Variants in CCBE1 observed in about 807,000 individuals in gnomAD.
The protein encoded by CCBE1 is collagen and calcium-binding EGF domain-containing protein 1.
A neutral mutation model predicts 50.0 loss-of-function variants in CCBE1; 37 were observed. The ratio of observed to expected loss-of-function variants is 0.74; its 90% CI spans 0.57 to 0.97. The LOEUF (loss-of-function observed/expected upper bound fraction) is 0.97, where lower values mean the gene tolerates loss of function less well. Ranked by LOEUF, CCBE1 falls within the 50% of genes least tolerant of loss-of-function variation. The pLI, the probability that CCBE1 is intolerant of heterozygous loss-of-function variation, is 0.00. For missense variants in CCBE1, 538 were observed against 523.8 expected, an observed-to-expected ratio of 1.03 and a Z score of -0.26; for synonymous variants, 234 against 203.7, an observed-to-expected ratio of 1.15 and a Z score of -1.27.
At chr18:59,664,519 A>C (rs1403468056) in intron 2 of CCBE1, among the ~76,000 whole-genome samples, 2 of 152,192 alleles carry the variant, frequency 1.3e-5, no homozygotes, top group Non-Finnish European at 2.9e-5. Context: ...CACAATAAAC[A>C]TTCAGCCCTA....
At chr18:59,489,850 CT>C (rs1913007937) in intron 2 of CCBE1, among the ~76,000 whole-genome samples, 1 of 151,836 alleles carries the variant, frequency 6.6e-6, no homozygotes, top group Non-Finnish European at 1.5e-5. Flanking sequence ...CTGCCTTTGC[CT>C]TAGTTCAAAT....
At chr18:59,601,653 C>G (rs2053436161) in intron 2 of CCBE1, among the ~76,000 whole-genome samples, 1 of 152,210 alleles carries the variant, frequency 6.6e-6, no homozygotes, top group African/African-American at 2.4e-5. Flanking sequence ...CCACCTTGAT[C>G]TCCCAAAGTG....
intron 2 of CCBE1, among the ~76,000 whole-genome samples, chr18:59,650,689 A>G (rs2054115524): frequency 6.6e-6 from 1 of 151,310 alleles, no homozygotes; most frequent in Admixed American, 6.6e-5. Context: ...CTTGGAATTT[A>G]CAGCCGCCTC....
chr18:59,494,236 A>G (rs1476882356), intron 2 of CCBE1, among the ~76,000 whole-genome samples: 1 of 152,186 alleles, frequency 6.6e-6, no homozygotes, highest in Non-Finnish European at 1.5e-5. Flanking sequence ...AAAGATATAC[A>G]TAAGGGGCAC....
At chr18:59,454,814 C>A (rs778138324) in intron 6 of CCBE1, 37 bp downstream of exon 6, 7 of 1,545,154 alleles carry the variant, frequency 4.5e-6, no homozygotes, top group Admixed American at 1.7e-5. Flanking sequence ...GCCCTCCTTC[C>A]ATCAGGCATC....
chr18:59,516,373 T>G (rs1274910850), intron 2 of CCBE1, among the ~76,000 whole-genome samples: 3 of 152,168 alleles, frequency 2.0e-5, no homozygotes, highest in African/African-American at 7.2e-5. Flanking sequence ...TTGCTAGGAA[T>G]GCAAGTATCT....
At chr18:59,563,210 T>C (rs370615908) in intron 2 of CCBE1, among the ~76,000 whole-genome samples, 1 of 152,216 alleles carries the variant, frequency 6.6e-6, no homozygotes, top group African/African-American at 2.4e-5. Flanking sequence ...AATGTTGTCT[T>C]GTTTCCAATA....
At chr18:59,540,935 T>C (rs1245415297) in intron 2 of CCBE1, among the ~76,000 whole-genome samples, 1 of 152,174 alleles carries the variant, frequency 6.6e-6, no homozygotes, top group Non-Finnish European at 1.5e-5. Flanking sequence ...TAGAAGAAAG[T>C]AGTTGGGCTG....
intron 2 of CCBE1, among the ~76,000 whole-genome samples, chr18:59,681,906 T>G (rs1285149759): frequency 6.6e-6 from 1 of 152,212 alleles, no homozygotes; most frequent in African/African-American, 2.4e-5. Context: ...AATGCGCTTC[T>G]GTTTACTCTG....
intron 2 of CCBE1, among the ~76,000 whole-genome samples, chr18:59,503,102 C>T (rs2143842755): frequency 6.6e-6 from 1 of 152,296 alleles, no homozygotes; most frequent in South Asian, 2.1e-4. Context: ...AAAGGACAGG[C>T]CTGTGATGCA....
chr18:59,607,659 C>T (rs2053516565), intron 2 of CCBE1, among the ~76,000 whole-genome samples: 1 of 152,222 alleles, frequency 6.6e-6, no homozygotes. Flanking sequence ...AGCTTGAAAG[C>T]TAATGTTGCA....
At chr18:59,648,521 A>G (rs1208285634) in intron 2 of CCBE1, among the ~76,000 whole-genome samples, 1 of 152,174 alleles carries the variant, frequency 6.6e-6, no homozygotes, top group Non-Finnish European at 1.5e-5. Flanking sequence ...CCTGGCCAAC[A>G]TGGAGAAAAC....
intron 2 of CCBE1, among the ~76,000 whole-genome samples, chr18:59,579,306 T>A (rs1397865951): frequency 6.6e-6 from 1 of 151,966 alleles, no homozygotes; most frequent in Non-Finnish European, 1.5e-5. Context: ...TCCATATATG[T>A]GCAGACAGGA....
At chr18:59,504,536 G>GTGTCTT (rs1913780025) in intron 2 of CCBE1, among the ~76,000 whole-genome samples, 1 of 152,080 alleles carries the variant, frequency 6.6e-6, no homozygotes, top group African/African-American at 2.4e-5. Flanking sequence ...TCCACTGACA[G>GTGTCTT]TGTCTTTGTG....
intron 2 of CCBE1, among the ~76,000 whole-genome samples, chr18:59,587,277 T>C (rs2053191806): frequency 6.6e-6 from 1 of 152,170 alleles, no homozygotes; most frequent in South Asian, 2.1e-4. Context: ...ACTCCAAATC[T>C]AGCAACAAAG....
At chr18:59,550,459 A>G (rs1915870982) in intron 2 of CCBE1, among the ~76,000 whole-genome samples, 1 of 152,130 alleles carries the variant, frequency 6.6e-6, no homozygotes, top group African/African-American at 2.4e-5. Context: ...AAGGGCCTTC[A>G]TCTGCACTCA....
intron 2 of CCBE1, among the ~76,000 whole-genome samples, chr18:59,601,010 G>GTTTTTTTTTTTTTTTTTTTTTTTTTTT (rs71177045): frequency 5.2e-5 from 3 of 58,004 alleles, no homozygotes; most frequent in South Asian, 8.2e-4. Context: ...CTATGTGTCA[G>GTTTTTTTTTTTTTTTTTTTTTTTTTTT]TTTTTTTTTT....
At position 59,434,334 on chromosome 18, in the gene CCBE1, A is replaced by G. The variant is rs1910059935; in HGVS notation, c.*1574T>C. 6.6e-6 allele frequency: 1 copy of G among 152,216 alleles called. No homozygotes were observed. Among genetic ancestry groups the G allele is most frequent in the African/African-American group, 2.4e-5 (1 of 41,452 alleles). 9.4% of individuals were successfully genotyped at this position (152,216 alleles called of 1,614,324 possible). On this transcript the variant is annotated 3_prime_UTR_variant, in exon 11 of 11. Coordinates refer to ENST00000439986, the MANE Select transcript of CCBE1 (RefSeq NM_133459.4). ...ATGAGCTAATATGAGTGTGAGAACG[A>G]TCATTTGCAGGAGAGTGAAAATCTC...
At chr18:59,516,157 C>T (rs111474171) in intron 2 of CCBE1, among the ~76,000 whole-genome samples, 2,569 of 152,146 alleles carry the variant, frequency 0.017, 82 homozygotes, top group African/African-American at 0.058. Context: ...TGGGGTCTTG[C>T]CATGTTGGCC....
Sources: allele counts gnomAD v4.1 joint callset (sites outside exome capture counted in the v4.1 genomes callset), GRCh38; gene constraint gnomAD v4.1.1; transcripts MANE v1.5; gene names NCBI Gene and HGNC (gene_info 2026-07-23, HGNC 2026-07-21).